The following ZBTB8OS variants were observed in gnomAD, a reference collection of about 807,000 sequenced individuals.
ZBTB8OS encodes tRNA splicing ligase complex subunit 1.
Under a neutral mutation model 29.3 loss-of-function variants are expected in ZBTB8OS, and 16 were observed. The observed-to-expected ratio is 0.55, with a 90% CI of 0.37 to 0.83. ZBTB8OS has a LOEUF of 0.83. ZBTB8OS is among the 40% of genes least tolerant of loss of function. ZBTB8OS has a pLI of 0.00. For missense variants in ZBTB8OS, 160 were observed against 196.9 expected (o/e 0.81, Z 1.12); for synonymous variants, 70 against 64.6 (o/e 1.08, Z -0.40).
chr1:32,643,382 TGTTTTAGTTTTTG>T (rs1194463005), intron 1 of ZBTB8OS, among the ~76,000 whole-genome samples: 42 of 85,924 alleles, frequency 4.9e-4, no homozygotes, highest in Non-Finnish European at 7.5e-4. Flanking sequence ...CTTTAGTTTT[TGTTTTAGTTTTTG>T]GTTTTTTTTT....
chr1:32,621,778 G>T lies in ZBTB8OS; in HGVS notation c.*84C>A. On this transcript the variant is annotated 3_prime_UTR_variant, in exon 7 of 7. Coordinates refer to ENST00000468695, the MANE Select transcript of ZBTB8OS (RefSeq NM_178547.5). ...AATTTCCATATATCAAAAAAAAGCT[G>T]TAGAATTTAATTCATAGTGTCTTCT... is the stretch of plus-strand genomic sequence containing the variant. 1 of 957,726 alleles carries T rather than the reference G, an allele frequency of 1.0e-6. No individual in the cohort carries two copies. 59.3% of individuals were successfully genotyped at this position (957,726 alleles called of 1,614,324 possible). A position where few individuals can be genotyped will look rare whatever the true frequency, so the allele number is the denominator to read the frequency against.
chr1:32,629,004 T>C lies in ZBTB8OS; in HGVS notation c.381-1460A>G, dbSNP rs1645335504. On this transcript the variant is annotated intron_variant, in intron 5 of 6. Transcript: ENST00000468695. ...GGTTGATAGTTGATCTCAAAATAAA[T>C]GTGCCCCAATATAGTGTACCTATGG... 4.6e-5 allele frequency among the ~76,000 whole-genome samples: 7 copies of C among 152,284 alleles called. No individual in the cohort carries two copies. The South Asian group carries it at 1.4e-3, about 32-fold the overall frequency.
chr1:32,627,782 A>C, intron 5 of ZBTB8OS: 1 of 509,878 alleles, frequency 2.0e-6, no homozygotes, highest in Non-Finnish European at 3.5e-6. Context: ...CATACCTATA[A>C]TCCTGGCACT....
At chr1:32,625,781 A>G (rs1272349117) in intron 6 of ZBTB8OS, among the ~76,000 whole-genome samples, 2 of 152,198 alleles carry the variant, frequency 1.3e-5, no homozygotes, top group East Asian at 1.9e-4. Flanking sequence ...AATGACAAAT[A>G]TGAATTTAGA....
intron 1 of ZBTB8OS, among the ~76,000 whole-genome samples, chr1:32,648,521 G>A (rs1314193449): frequency 1.3e-5 from 2 of 152,156 alleles, no homozygotes; most frequent in Admixed American, 6.6e-5. Context: ...AGAACATCTA[G>A]GTATGTACAT....
intron 1 of ZBTB8OS, among the ~76,000 whole-genome samples, chr1:32,638,421 G>A (rs2148411505): frequency 6.6e-6 from 1 of 151,318 alleles, no homozygotes; most frequent in South Asian, 2.1e-4. Flanking sequence ...TTGATCTCTT[G>A]ACCTTGTAAT....
At chr1:32,650,373 G>A in intron 1 of ZBTB8OS, 60 bp downstream of exon 1, 1 of 1,603,932 alleles carries the variant, frequency 6.2e-7, no homozygotes, top group Admixed American at 1.7e-5. Flanking sequence ...GAAGCCGCGG[G>A]TAAGGAGAGG....
intron 6 of ZBTB8OS, among the ~76,000 whole-genome samples, chr1:32,627,175 G>A (rs1645189718): frequency 6.6e-6 from 1 of 152,118 alleles, no homozygotes; most frequent in Non-Finnish European, 1.5e-5. Flanking sequence ...AGAATCTAGA[G>A]ACACACAGAA....
Position 32,621,775 on chromosome 1 carries a change from G to T in ZBTB8OS, c.*87C>A. 2 of 926,516 alleles carry T rather than the reference G, an allele frequency of 2.2e-6. No individual in the cohort carries two copies. The highest frequency in any genetic ancestry group is 1.7e-6 in the Non-Finnish European group (1 of 600,262). The allele number at this position is 926,516 out of a possible 1,614,324, so 57.4% of individuals were successfully genotyped here. The stretch of plus-strand genomic sequence containing the variant: ...ACAAATTTCCATATATCAAAAAAAA[G>T]CTGTAGAATTTAATTCATAGTGTCT... On this transcript the variant is annotated 3_prime_UTR_variant, in exon 7 of 7. Transcript: ENST00000468695.
chr1:32,627,726 C>T (rs1645223146), intron 5 of ZBTB8OS, 182 bp from the exon 6 acceptor site: 1 of 603,082 alleles, frequency 1.7e-6, no homozygotes. Context: ...TGTGCAGTGT[C>T]ATCATTTGCT....
chr1:32,650,607 T>G (rs753199197), upstream of ZBTB8OS: 18 of 1,611,872 alleles, frequency 1.1e-5, no homozygotes, highest in Admixed American at 2.8e-4. Flanking sequence ...CGCTCTAGAC[T>G]CCGCCCCTTG....
intron 4 of ZBTB8OS, 112 bp from the exon 5 acceptor site, chr1:32,631,991 CCT>C: frequency 1.7e-5 from 4 of 240,142 alleles, no homozygotes; most frequent in South Asian, 6.2e-5. Flanking sequence ...ATTGGTAAAA[CCT>C]TTTTTTTTTT....
chr1:32,636,691 TGG>T (rs1645990421), intron 1 of ZBTB8OS, among the ~76,000 whole-genome samples: 1 of 98,020 alleles, frequency 1.0e-5, no homozygotes, highest in African/African-American at 5.2e-5. Context: ...ACTCAAAAAA[TGG>T]AAAAAAAAAA....
intron 1 of ZBTB8OS, 76 bp from the exon 2 acceptor site, chr1:32,634,868 C>T (rs1211416487): frequency 1.0e-6 from 1 of 988,606 alleles, no homozygotes; most frequent in Non-Finnish European, 1.6e-6. Flanking sequence ...TAACTCTAGT[C>T]CATTATTATT....
chr1:32,650,276 CAGG>C (rs369919837), intron 1 of ZBTB8OS, 154 bp downstream of exon 1: 6 of 1,001,464 alleles, frequency 6.0e-6, no homozygotes, highest in Non-Finnish European at 8.7e-6. Flanking sequence ...TCAGCATCCC[CAGG>C]AGAAGTACGA....
At chr1:32,634,817 T>C in intron 1 of ZBTB8OS, 25 bp from the exon 2 acceptor site, 1 of 1,460,362 alleles carries the variant, frequency 6.8e-7, no homozygotes, top group African/African-American at 1.4e-5. Flanking sequence ...GAAAAACACT[T>C]ATAAGACACT....
At position 32,646,884 on chromosome 1, in the gene ZBTB8OS, A is replaced by C. The variant is rs574098753; in HGVS notation, c.97+3549T>G. On this transcript the variant is annotated intron_variant, in intron 1 of 6. Transcript: ENST00000468695. ...AAACCCTGTCTCTACTAAAAAAAAA[A>C]CACAAAAATTAGCCGGGTGTGGTGG... Among the ~76,000 whole-genome samples, 21 of 148,826 alleles carry C rather than the reference A, an allele frequency of 1.4e-4. No homozygotes were observed. The East Asian group carries it at 1.4e-3, about 10-fold the overall frequency.
At chr1:32,642,303 A>T (rs577099021) in intron 1 of ZBTB8OS, among the ~76,000 whole-genome samples, 2 of 152,150 alleles carry the variant, frequency 1.3e-5, no homozygotes, top group Admixed American at 6.6e-5. Flanking sequence ...CAGGAGTTCA[A>T]GACCAGCCTG....
At chr1:32,644,726 TGTAGAGATGTG>T (rs1646710667) in intron 1 of ZBTB8OS, among the ~76,000 whole-genome samples, 1 of 138,072 alleles carries the variant, frequency 7.2e-6, no homozygotes. Flanking sequence ...TTTTTTTTTT[TGTAGAGATGTG>T]TTTCACTGTG....
Sources: allele counts gnomAD v4.1 joint callset (sites outside exome capture counted in the v4.1 genomes callset), GRCh38; gene constraint gnomAD v4.1.1; transcripts MANE v1.5; gene names NCBI Gene and HGNC (gene_info 2026-07-23, HGNC 2026-07-21).